TJP1: variants seen among roughly 807,000 people sequenced by gnomAD.
The protein encoded by TJP1 is tight junction protein 1.
In TJP1, 43 loss-of-function variants were observed where a neutral mutation model predicts 194.2. That is an observed-to-expected ratio of 0.22 (90% CI 0.17 to 0.29). TJP1 has a LOEUF of 0.29. Ranked by LOEUF, TJP1 falls within the 10% of genes least tolerant of loss-of-function variation. The probability of loss-of-function intolerance (pLI) is 1.00; values close to 1 mark genes in which losing one functional copy is unlikely to be tolerated. For synonymous variants in TJP1, 801 were observed against 779.0 expected (o/e 1.03, Z -0.47); for missense variants, 1,971 against 2,185.7 (o/e 0.90, Z 1.96).
rs534259878 is a variant in TJP1 at position 29,959,701 on chromosome 15, T to G, written c.174-3337A>C. On this transcript the variant is annotated intron_variant, in intron 1 of 28. Transcript: ENST00000356107. ...TACCTACTAGTTACATTTCAAAGAG[T>G]CCTCAAAATTACGGGTCCACTGATG... Among the ~76,000 whole-genome samples, 233 of 152,248 alleles carry G rather than the reference T, an allele frequency of 1.5e-3. 1 individual carries two copies. In the Middle Eastern group the frequency reaches 0.02, roughly 13 times the overall value.
intron 2 of TJP1, among the ~76,000 whole-genome samples, chr15:29,779,038 C>T (rs1255663358): frequency 6.6e-6 from 1 of 152,184 alleles, no homozygotes; most frequent in Non-Finnish European, 1.5e-5. Flanking sequence ...CTATTTTAAA[C>T]TCCCCACTAG....
chr15:29,774,756 C>T (rs936122490), intron 2 of TJP1, among the ~76,000 whole-genome samples: 8 of 151,308 alleles, frequency 5.3e-5, no homozygotes, highest in African/African-American at 1.9e-4. Context: ...AATTATATGG[C>T]AATAAAGCGA....
chr15:29,903,412 T>C (rs2053695536), intron 2 of TJP1, among the ~76,000 whole-genome samples: 1 of 152,180 alleles, frequency 6.6e-6, no homozygotes, highest in South Asian at 2.1e-4. Flanking sequence ...AACTATTAAA[T>C]GAACAAATTA....
intron 2 of TJP1, among the ~76,000 whole-genome samples, chr15:29,945,613 T>C (rs778959067): frequency 3.3e-5 from 5 of 152,114 alleles, no homozygotes; most frequent in Non-Finnish European, 7.4e-5. Flanking sequence ...CTTGGGAGAC[T>C]ACTTACACTG....
chr15:29,799,353 G>A (rs1011159600), intron 2 of TJP1, among the ~76,000 whole-genome samples: 1 of 151,866 alleles, frequency 6.6e-6, no homozygotes. Context: ...ATTAGATAAT[G>A]ATTTCCTTCA....
intron 2 of TJP1, among the ~76,000 whole-genome samples, chr15:29,882,827 C>T (rs2052986244): frequency 6.6e-6 from 1 of 152,112 alleles, no homozygotes; most frequent in African/African-American, 2.4e-5. Flanking sequence ...AAAGATTTGG[C>T]CCAAGATTTG....
At chr15:29,835,883 C>T (rs572885687) in intron 2 of TJP1, among the ~76,000 whole-genome samples, 4 of 150,906 alleles carry the variant, frequency 2.7e-5, no homozygotes, top group South Asian at 2.1e-4. Flanking sequence ...AATAGATGGA[C>T]GGGGAAAGAG....
intron 21 of TJP1, 49 bp downstream of exon 21, chr15:29,718,217 C>T: frequency 3.1e-6 from 5 of 1,594,570 alleles, no homozygotes; most frequent in Non-Finnish European, 4.3e-6. Flanking sequence ...AGCCAAGAAG[C>T]CTTTTAAACG....
intron 2 of TJP1, among the ~76,000 whole-genome samples, chr15:29,930,722 G>A (rs1162802003): frequency 6.6e-6 from 1 of 152,204 alleles, no homozygotes; most frequent in Non-Finnish European, 1.5e-5. Flanking sequence ...GTGCTGAAGT[G>A]CCTGACATGG....
intron 2 of TJP1, among the ~76,000 whole-genome samples, chr15:29,828,636 T>A (rs2050744274): frequency 6.6e-6 from 1 of 152,184 alleles, no homozygotes; most frequent in South Asian, 2.1e-4. Context: ...TAGACAACAA[T>A]GGTATATCAT....
chr15:29,720,263 A>G, intron 19 of TJP1, 95 bp downstream of exon 19: 9 of 1,198,508 alleles, frequency 7.5e-6, no homozygotes, highest in Non-Finnish European at 1.0e-5. Flanking sequence ...CTTAATCTGG[A>G]GAAAGGACAA....
chr15:29,962,229 T>C (rs1289926766), intron 1 of TJP1, among the ~76,000 whole-genome samples: 1 of 152,200 alleles, frequency 6.6e-6, no homozygotes, highest in African/African-American at 2.4e-5. Context: ...TGGAATGCTT[T>C]TCTACTCCCC....
upstream of TJP1, chr15:29,822,556 G>A: frequency 1.1e-6 from 1 of 870,892 alleles, no homozygotes; most frequent in Non-Finnish European, 1.4e-6. Context: ...CGGGGAGGGG[G>A]CGGGGCCGCG....
At chr15:29,717,252 A>G (rs938523916) in intron 22 of TJP1, among the ~76,000 whole-genome samples, 2 of 152,218 alleles carry the variant, frequency 1.3e-5, no homozygotes, top group Admixed American at 1.3e-4. Flanking sequence ...CAGGATCTCA[A>G]TGATTCTCAT....
rs2151537904 is a variant in TJP1, at chr15:29,762,390, T to C, written c.638A>G (p.Gln213Arg). ...ASHIFVKEIS[Q>R]DSLAARDGNI... ...GCCATCTCTTGCTGCCAAACTATCT[T>C]GTGAAATTTCCTTAACAAATATATG... Residue 213 changes from glutamine to arginine, a missense_variant, in exon 6 of 28, where the codon CAA (glutamine) becomes CGA (arginine). Gln to Arg is a conservative substitution (Grantham distance 43, BLOSUM62 1). Transcript: ENST00000614355. 1.2e-6 allele frequency: 2 copies of C among 1,613,782 alleles called. No individual in the cohort carries two copies. Among genetic ancestry groups the C allele is most frequent in the East Asian group, 2.2e-5 (1 of 44,832 alleles).
intron 2 of TJP1, among the ~76,000 whole-genome samples, chr15:29,949,523 A>T (rs62649078): frequency 7.2e-4 from 91 of 125,634 alleles, no homozygotes; most frequent in South Asian, 2.3e-3. Context: ...CACCTCCACC[A>T]CCACCACCTC....
chr15:29,950,143 A>C (rs373098702), intron 2 of TJP1, among the ~76,000 whole-genome samples: 359 of 10,308 alleles, frequency 0.035, no homozygotes, highest in East Asian at 0.19. Flanking sequence ...CCACCACCAC[A>C]ACCACCACCT....
chr15:29,732,430 T>C lies in TJP1; in HGVS notation c.2017+3A>G. 6.2e-7 allele frequency: 1 copy of C among 1,612,714 alleles called. No individual in the cohort carries two copies. The highest frequency in any genetic ancestry group is 1.1e-5 in the South Asian group (1 of 91,004). On this transcript the variant is annotated splice_donor_region_variant and intron_variant, in intron 15 of 27. Transcript: ENST00000614355. ...CATTTAAGTTAGCCTTGAGGCTACT[T>C]ACTTGCAATTTGATAAATATCTGGT...
At chr15:29,931,059 C>A (rs1307088555) in intron 2 of TJP1, among the ~76,000 whole-genome samples, 1 of 151,978 alleles carries the variant, frequency 6.6e-6, no homozygotes, top group Non-Finnish European at 1.5e-5. Flanking sequence ...GAAGCCTTAC[C>A]AATAACGTAA....
Sources: gnomAD v4.1 joint callset for allele counts (sites outside exome capture counted in the v4.1 genomes callset) on GRCh38, gnomAD v4.1.1 for gene constraint, MANE v1.5 for transcripts, NCBI Gene and HGNC (gene_info 2026-07-23, HGNC 2026-07-21) for gene names.